PVT1: variants seen among roughly 807,000 people sequenced by gnomAD.
PVT1 encodes the protein Pvt1 oncogene.
chr8:127,876,005 G>C (rs974917895), intron 2 of PVT1, among the ~76,000 whole-genome samples: 3 of 152,162 alleles, frequency 2.0e-5, no homozygotes, highest in African/African-American at 7.2e-5. Context: ...TTACCTGGGG[G>C]ACCTGGCAAA....
intron 2 of PVT1, among the ~76,000 whole-genome samples, chr8:127,842,026 A>G (rs952513306): frequency 1.3e-5 from 2 of 151,468 alleles, no homozygotes; most frequent in Non-Finnish European, 2.9e-5. Context: ...GCCTGGCTAA[A>G]GTTGTTATTT....
At chr8:127,865,337 C>T (rs1385565251) in intron 2 of PVT1, among the ~76,000 whole-genome samples, 1 of 152,094 alleles carries the variant, frequency 6.6e-6, no homozygotes, top group East Asian at 1.9e-4. Flanking sequence ...TTATGCTTCC[C>T]CCAAAGAGGT....
rs147759393 is a variant in PVT1, at chr8:128,067,790, G to A, written n.913-2370G>A. Among the ~76,000 whole-genome samples the A allele has an allele frequency of 2.7e-3, 414 of 152,272 alleles. 13 individuals are homozygous for A. The East Asian group carries it at 0.066, about 24-fold the overall frequency. On this transcript the variant is annotated intron_variant and non_coding_transcript_variant, in intron 4 of 10. Transcript: ENST00000651587. ...GGAGTGATGTGGGGCCTCCCTGCTT[G>A]CAGGAAGGAGTTTGACCTTATCCTT...
At chr8:127,910,590 T>TGG (rs1815882231) in intron 3 of PVT1, among the ~76,000 whole-genome samples, 1 of 152,246 alleles carries the variant, frequency 6.6e-6, no homozygotes, top group South Asian at 2.1e-4. Flanking sequence ...AATGACTTCC[T>TGG]AATGATAATA....
intron 5 of PVT1, among the ~76,000 whole-genome samples, chr8:128,072,181 G>T (rs967840168): frequency 3.3e-5 from 5 of 152,128 alleles, no homozygotes; most frequent in African/African-American, 7.2e-5. Context: ...TTATCCAAGG[G>T]AACATCACCA....
chr8:127,937,580 C>CACAGAGAG (rs59006608), intron 3 of PVT1, among the ~76,000 whole-genome samples: 56 of 107,856 alleles, frequency 5.2e-4, no homozygotes, highest in East Asian at 3.1e-3. Context: ...CACACACACA[C>CACAGAGAG]AGAGAGAGAG....
At chr8:128,025,845 G>A (rs1197505318) in intron 4 of PVT1, among the ~76,000 whole-genome samples, 1 of 152,096 alleles carries the variant, frequency 6.6e-6, no homozygotes, top group Non-Finnish European at 1.5e-5. Context: ...TACAGGTGAG[G>A]CAACTGAGGC....
At chr8:127,882,196 C>T (rs1462283989) in intron 2 of PVT1, among the ~76,000 whole-genome samples, 3 of 152,082 alleles carry the variant, frequency 2.0e-5, no homozygotes, top group African/African-American at 7.2e-5. Context: ...GTGAGTGTGA[C>T]GGGAGCAGGC....
intron 2 of PVT1, chr8:127,803,125 CTTTTTTTTT>C (rs57755504): frequency 9.5e-6 from 1 of 105,360 alleles, no homozygotes; most frequent in Non-Finnish European, 1.8e-5. Flanking sequence ...TTCTTTCTTT[CTTTTTTTTT>C]TTTTTTTTTT....
intron 5 of PVT1, among the ~76,000 whole-genome samples, chr8:128,084,541 A>C (rs998530398): frequency 6.6e-6 from 1 of 152,124 alleles, no homozygotes; most frequent in Admixed American, 6.5e-5. Flanking sequence ...TGCATCCTCC[A>C]GCAAAATGTA....
intron 4 of PVT1, among the ~76,000 whole-genome samples, chr8:128,014,666 A>C (rs1347640573): frequency 1.3e-5 from 2 of 152,224 alleles, no homozygotes; most frequent in East Asian, 3.8e-4. Flanking sequence ...GACCATTTCA[A>C]AGTAACAAGA....
chr8:127,813,636 CT>C (rs1814626347), intron 2 of PVT1, among the ~76,000 whole-genome samples: 1 of 152,142 alleles, frequency 6.6e-6, no homozygotes, highest in Non-Finnish European at 1.5e-5. Context: ...GCTTCAGAGC[CT>C]GGTGCCTCAG....
intron 3 of PVT1, among the ~76,000 whole-genome samples, chr8:127,894,346 A>G (rs542944322): frequency 6.6e-6 from 1 of 152,304 alleles, no homozygotes; most frequent in African/African-American, 2.4e-5. Context: ...GCTGGTGTGT[A>G]TGAATACCTG....
At chr8:127,914,088 A>C (rs2129851062) in intron 3 of PVT1, among the ~76,000 whole-genome samples, 1 of 152,176 alleles carries the variant, frequency 6.6e-6, no homozygotes, top group South Asian at 2.1e-4. Flanking sequence ...CAGTTTCAGA[A>C]TGGGCAGAAG....
At chr8:128,049,168 G>C (rs1162462540) in intron 4 of PVT1, 1 of 531,562 alleles carries the variant, frequency 1.9e-6, no homozygotes, top group East Asian at 5.5e-5. Flanking sequence ...CTGGCAGGGA[G>C]GCTGGGAGGG....
In PVT1 at chr8:127,898,662, TG is replaced by T. The variant is rs1403218206; in HGVS notation, n.782+7666del. 6.6e-6 allele frequency among the ~76,000 whole-genome samples: 1 copy of T among 152,220 alleles called. No individual in the cohort carries two copies. The highest frequency in any genetic ancestry group is 1.5e-5 in the Non-Finnish European group (1 of 68,042). ...GCTGGAACCTGTATTCCAGTGGCCC[TG>T]GTGGCTCTCTTCCCTCTCACCTTCC... is the stretch of plus-strand genomic sequence containing the variant. On this transcript the variant is annotated intron_variant and non_coding_transcript_variant, in intron 3 of 10. Transcript: ENST00000651587. The surrounding 1 kb of genome is among the most constrained non-coding windows in gnomAD (Gnocchi z 4.4).
At chr8:127,867,007 G>T (rs1250517014) in intron 2 of PVT1, among the ~76,000 whole-genome samples, 1 of 152,214 alleles carries the variant, frequency 6.6e-6, no homozygotes, top group Non-Finnish European at 1.5e-5. Flanking sequence ...TGAAACCCAA[G>T]TCATCAGCTG....
chr8:128,015,788 AAAG>A lies in PVT1; in HGVS notation n.912+26498_912+26500del, dbSNP rs1350092069. 5.5e-3 allele frequency among the ~76,000 whole-genome samples: 813 copies of A among 148,790 alleles called. 32 individuals carry two copies. The highest frequency in any genetic ancestry group is 0.02 in the African/African-American group (771 of 39,168). On this transcript the variant is annotated intron_variant and non_coding_transcript_variant, in intron 4 of 10. Coordinates refer to ENST00000651587, the Ensembl canonical transcript of PVT1. ...CTTTGTCTCAAAAAAAAAAAAAAAA[AAAG>A]GTTTGAGAAGGGTTTTCCTGGTCAT...
At chr8:127,916,685 CGT>C (rs1299161128) in intron 3 of PVT1, among the ~76,000 whole-genome samples, 1 of 152,178 alleles carries the variant, frequency 6.6e-6, no homozygotes, top group Non-Finnish European at 1.5e-5. Context: ...CCTGGTGAGG[CGT>C]GTGATCCAGG....
Sources: gnomAD v4.1 joint callset for allele counts (sites outside exome capture counted in the v4.1 genomes callset) on GRCh38, gnomAD v4.1.1 for gene constraint, Gnocchi (gnomAD v3.1) non-coding constraint, MANE v1.5 for transcripts, NCBI Gene and HGNC (gene_info 2026-07-23, HGNC 2026-07-21) for gene names.